The following PNPLA7 variants were observed in gnomAD, a reference collection of about 807,000 sequenced individuals.
PNPLA7 encodes patatin like domain 7, lysophospholipase, also known as patatin-like phospholipase domain-containing protein 7.
Under a neutral mutation model 161.7 loss-of-function variants are expected in PNPLA7, and 153 were observed. The observed-to-expected ratio is 0.95, with a 90% CI of 0.83 to 1.08. The LOEUF (loss-of-function observed/expected upper bound fraction) is 1.08. PNPLA7 is among the 50% of genes least tolerant of loss of function. The pLI is 0.00. For missense variants in PNPLA7, 1,739 were observed against 1,856.6 expected, an observed-to-expected ratio of 0.94 and a Z score of 1.16; for synonymous variants, 809 against 782.1, an observed-to-expected ratio of 1.03 and a Z score of -0.57.
chr9:137,524,075 C>T lies in PNPLA7; in HGVS notation c.748-1218G>A, dbSNP rs1284876249. Among the ~76,000 whole-genome samples, 1 of 152,238 alleles carries T rather than the reference C, an allele frequency of 6.6e-6. No individual in the cohort carries two copies. The highest frequency in any genetic ancestry group is 1.5e-5 in the Non-Finnish European group (1 of 68,042). ...CACCACAGAAACAGAACAATCCCAA[C>T]CTCCAATGCCCCTGGCAGCCTTTTC... On this transcript the variant is annotated intron_variant, in intron 8 of 34. Coordinates refer to ENST00000406427, the MANE Select transcript of PNPLA7 (RefSeq NM_001098537.3). This position sits in a 1 kb window ranked among gnomAD's most constrained non-coding sequence, Gnocchi z 4.4.
intron 8 of PNPLA7, among the ~76,000 whole-genome samples, chr9:137,531,826 C>T (rs1056217284): frequency 6.6e-6 from 1 of 152,222 alleles, no homozygotes; most frequent in Non-Finnish European, 1.5e-5. Flanking sequence ...TGAGAGCACA[C>T]GTGGGTAATG....
intron 14 of PNPLA7, among the ~76,000 whole-genome samples, chr9:137,502,594 G>A (rs995883949): frequency 1.5e-5 from 2 of 132,938 alleles, no homozygotes; most frequent in African/African-American, 3.2e-5. Flanking sequence ...TTGTCAGCCC[G>A]AGGAGGAGCC....
In PNPLA7 at chr9:137,546,810, G is replaced by A. The variant is rs1453062362; in HGVS notation, c.273+20C>T. 1.2e-6 allele frequency: 2 copies of A among 1,612,930 alleles called. No individual in the cohort carries two copies. Among genetic ancestry groups the A allele is most frequent in the African/African-American group, 2.7e-5 (2 of 74,914 alleles). On this transcript the variant is annotated intron_variant, in intron 4 of 34. Transcript: ENST00000406427. ...GCTCGAGGAAGCCGTGTGCAGCCTG[G>A]GGCCCCGAGCAACAGCTACCTTCCT...
chr9:137,514,455 T>C (rs1834407308), intron 12 of PNPLA7, among the ~76,000 whole-genome samples: 1 of 126,614 alleles, frequency 7.9e-6, no homozygotes, highest in African/African-American at 3.2e-5. Flanking sequence ...TGTGGGTGGG[T>C]CACCTGGCTG....
intron 14 of PNPLA7, among the ~76,000 whole-genome samples, chr9:137,503,304 C>A (rs993601646): frequency 2.6e-5 from 4 of 151,888 alleles, no homozygotes; most frequent in African/African-American, 4.8e-5. Context: ...TCACTTGAGC[C>A]CAGGAAGTGG....
intron 20 of PNPLA7, chr9:137,491,860 A>T: frequency 1.0e-6 from 1 of 985,462 alleles, no homozygotes; most frequent in Non-Finnish European, 1.2e-6. Context: ...CGGGGGTGAC[A>T]AGCACAGAGA....
In PNPLA7 at chr9:137,540,757, C is replaced by T. The variant is rs368023439; in HGVS notation, c.667-35G>A. 4 of 1,586,288 alleles carry T rather than the reference C, an allele frequency of 2.5e-6. No individual in the cohort carries two copies. In the African/African-American group the frequency reaches 5.4e-5, roughly 21 times the overall value. ...GAGAGCAGAGTGGGTGCCGTCAGGT[C>T]TGGGGCTGCGACCGCGGGGCCTGGC... On this transcript the variant is annotated intron_variant, in intron 7 of 34. Transcript: ENST00000406427. This position sits in a 1 kb window ranked among gnomAD's most constrained non-coding sequence, Gnocchi z 5.1.
Position 137,461,533 on chromosome 9 carries a change from C to G in PNPLA7, c.3841+3G>C. The G allele has an allele frequency of 2.5e-6, 4 of 1,611,506 alleles. No homozygotes were observed. Among genetic ancestry groups the G allele is most frequent in the Non-Finnish European group, 3.4e-6 (4 of 1,178,692 alleles). Reference sequence around the variant, plus strand: ...CACGGCTTCGTCTTGCGCCTCCACTCACCATCCACCATGGCGGGCTTGGCG... The same window carrying G: ...CACGGCTTCGTCTTGCGCCTCCACTGACCATCCACCATGGCGGGCTTGGCG... On this transcript the variant is annotated splice_donor_region_variant and intron_variant, in intron 33 of 34. Transcript: ENST00000406427.
In PNPLA7 at chr9:137,478,087, C is replaced by T. The variant is rs535218909; in HGVS notation, c.2829G>A (p.Ala943=). The T allele has an allele frequency of 9.3e-6, 13 of 1,391,854 alleles. No individual in the cohort carries two copies. Among genetic ancestry groups the T allele is most frequent in the Admixed American group, 3.4e-5 (1 of 29,730 alleles). 86.2% of individuals were successfully genotyped at this position (1,391,854 alleles called of 1,614,324 possible). The change falls in exon 25 of 35, where the codon GCG becomes GCA. Residue 943 remains alanine (A), a synonymous_variant. Coordinates refer to ENST00000406427, the MANE Select transcript of PNPLA7 (RefSeq NM_001098537.3). ...CAATGGCGTTGCCCGTCAGCACCCT[C>T]GCCAGGCGGGAGAAGTCTGAGTGTC... ...PDRHSDFSRL[A]RVLTGNAIAL...
At chr9:137,502,907 G>A (rs1031194598) in intron 14 of PNPLA7, among the ~76,000 whole-genome samples, 12 of 151,796 alleles carry the variant, frequency 7.9e-5, no homozygotes, top group Non-Finnish European at 1.0e-4. Context: ...CCAGTGACGT[G>A]CTATGATGAT....
At chr9:137,497,904 C>T (rs774982574) in intron 17 of PNPLA7, among the ~76,000 whole-genome samples, 6 of 152,240 alleles carry the variant, frequency 3.9e-5, no homozygotes, top group Non-Finnish European at 7.3e-5. Flanking sequence ...TGGACTATGT[C>T]CAAGCGTGTG....
rs1333879621 is a variant in PNPLA7 at position 137,535,594 on chromosome 9, A to T, written c.747+5048T>A. Among the ~76,000 whole-genome samples the T allele has an allele frequency of 2.0e-5, 3 of 151,916 alleles. No homozygotes were observed. The East Asian group carries it at 5.8e-4, about 30-fold the overall frequency. On this transcript the variant is annotated intron_variant, in intron 8 of 34. Coordinates refer to ENST00000406427, the MANE Select transcript of PNPLA7 (RefSeq NM_001098537.3). ...ATGGTGAAACCCCGTCCCTACTAAA[A>T]ATACAAAAATTAGCTGGGCATGGTG...
chr9:137,478,066 G>A lies in PNPLA7; in HGVS notation c.2850C>T (p.Ala950=). Residue 950 remains alanine, a synonymous_variant, in exon 25 of 35, where the codon GCC becomes GCT. Coordinates refer to ENST00000406427, the MANE Select transcript of PNPLA7 (RefSeq NM_001098537.3). ...CCCCTCCCCCAAGCACCAGGGCAAT[G>A]GCGTTGCCCGTCAGCACCCTCGCCA... is the stretch of plus-strand genomic sequence containing the variant. The part of the protein sequence containing the change: ...SRLARVLTGN[A]IALVLGGGGA... 1.4e-6 allele frequency: 2 copies of A among 1,417,888 alleles called. No individual in the cohort carries two copies. The highest frequency in any genetic ancestry group is 1.8e-6 in the Non-Finnish European group (2 of 1,083,572). 87.8% of individuals were successfully genotyped at this position (1,417,888 alleles called of 1,614,324 possible). A position where few individuals can be genotyped will look rare whatever the true frequency, so the allele number is the denominator to read the frequency against.
chr9:137,536,348 G>C (rs866400109), intron 8 of PNPLA7, among the ~76,000 whole-genome samples: 2 of 152,038 alleles, frequency 1.3e-5, no homozygotes, highest in South Asian at 2.1e-4. Context: ...GGGAAGGAAG[G>C]GTGGGTGGTC....
At chr9:137,487,218 A>G (rs2132186838) in intron 20 of PNPLA7, among the ~76,000 whole-genome samples, 1 of 152,324 alleles carries the variant, frequency 6.6e-6, no homozygotes, top group African/African-American at 2.4e-5. Flanking sequence ...TGGAGGTTGC[A>G]AAGCCCAGCT....
chr9:137,472,364 A>G (rs1219194882), intron 25 of PNPLA7, among the ~76,000 whole-genome samples: 2 of 151,874 alleles, frequency 1.3e-5, no homozygotes, highest in East Asian at 3.9e-4. Flanking sequence ...CCCAGCCTAA[A>G]CCTCATTTTC....
At chr9:137,538,553 A>C (rs1385439355) in intron 8 of PNPLA7, among the ~76,000 whole-genome samples, 1 of 152,346 alleles carries the variant, frequency 6.6e-6, no homozygotes, top group East Asian at 1.9e-4. Flanking sequence ...CTCTCCTAAC[A>C]AAGTCTAGAG....
chr9:137,488,243 G>A (rs959553137), intron 20 of PNPLA7, among the ~76,000 whole-genome samples: 5 of 152,168 alleles, frequency 3.3e-5, no homozygotes, highest in East Asian at 1.9e-4. Flanking sequence ...CCCGAGCTTC[G>A]GCCCGAACGT....
At position 137,505,641 on chromosome 9, in the gene PNPLA7, C is replaced by T. The variant is rs200475035; in HGVS notation, c.1446G>A (p.Lys482=). 183 of 1,614,104 alleles carry T rather than the reference C, an allele frequency of 1.1e-4. No individual in the cohort carries two copies. The East Asian group carries it at 3.9e-3, about 34-fold the overall frequency. Residue 482 remains lysine, a synonymous_variant, in exon 14 of 35, where the codon AAG becomes AAA. Coordinates refer to ENST00000406427, the MANE Select transcript of PNPLA7 (RefSeq NM_001098537.3). ...CCAGCTTCATCAGGGTGAGCAGGTC[C>T]TTCTTGGCAGCTCTGAAGATGGCAT... The part of the protein sequence containing the change: ...KSDAIFRAAK[K]DLLTLMKLED...
Sources: allele counts gnomAD v4.1 joint callset (sites outside exome capture counted in the v4.1 genomes callset), GRCh38; gene constraint gnomAD v4.1.1; non-coding constraint Gnocchi (gnomAD v3.1); transcripts MANE v1.5; gene names NCBI Gene and HGNC (gene_info 2026-07-23, HGNC 2026-07-21).